The following MAPK10 variants were observed in gnomAD, a reference collection of about 807,000 sequenced individuals.
The protein encoded by MAPK10 is mitogen-activated protein kinase 10.
MAPK10 carries 25 observed loss-of-function variants against 59.3 expected under a neutral mutation model. The ratio of observed to expected loss-of-function variants is 0.42; its 90% CI spans 0.31 to 0.59. The LOEUF (loss-of-function observed/expected upper bound fraction) is 0.59. MAPK10 is among the 20% of genes least tolerant of loss of function. The pLI is 0.15. For synonymous variants in MAPK10, 190 were observed against 200.5 expected, an observed-to-expected ratio of 0.95 and a Z score of 0.44; for missense variants, 351 against 568.9, an observed-to-expected ratio of 0.62 and a Z score of 3.90.
rs1254102488 is a variant in MAPK10, at chr4:86,015,432, T to C, written c.*1796A>G. On this transcript the variant is annotated 3_prime_UTR_variant, in exon 14 of 14. Transcript: ENST00000641462. ...ACACTCATCAACCATCCACTTCCTGTCTTTCACTTCTTCAGGTGAAATATC... is the reference window on the plus strand; with the variant it reads ...ACACTCATCAACCATCCACTTCCTGCCTTTCACTTCTTCAGGTGAAATATC... 1 of 152,210 alleles carries C rather than the reference T, an allele frequency of 6.6e-6. No homozygotes were observed. Among genetic ancestry groups the C allele is most frequent in the African/African-American group, 2.4e-5 (1 of 41,462 alleles). 9.4% of individuals were successfully genotyped at this position (152,210 alleles called of 1,614,324 possible). A position where few individuals can be genotyped will look rare whatever the true frequency, so the allele number is the denominator to read the frequency against.
intron 1 of MAPK10, among the ~76,000 whole-genome samples, chr4:86,479,715 A>C (rs1233209442): frequency 6.6e-6 from 1 of 152,082 alleles, no homozygotes; most frequent in East Asian, 1.9e-4. Flanking sequence ...GGCACTCTCT[A>C]GTTAGATGTC....
At chr4:86,484,120 G>C (rs576342067) in intron 1 of MAPK10, among the ~76,000 whole-genome samples, 1 of 152,294 alleles carries the variant, frequency 6.6e-6, no homozygotes, top group East Asian at 1.9e-4. Flanking sequence ...ATGATAAGGA[G>C]TGTGGGCTTT....
intron 2 of MAPK10, among the ~76,000 whole-genome samples, chr4:86,227,244 T>C (rs1217859136): frequency 6.6e-6 from 1 of 151,968 alleles, no homozygotes; most frequent in South Asian, 2.1e-4. Flanking sequence ...TCCCAACACT[T>C]TGGGAGGCCG....
chr4:86,053,530 G>A (rs767931954), intron 11 of MAPK10, among the ~76,000 whole-genome samples: 13 of 152,038 alleles, frequency 8.6e-5, no homozygotes, highest in Non-Finnish European at 1.3e-4. Flanking sequence ...CAGAGATTCT[G>A]TCTTCTGACA....
intron 2 of MAPK10, among the ~76,000 whole-genome samples, chr4:86,195,402 A>G (rs1720721150): frequency 6.6e-6 from 1 of 150,816 alleles, no homozygotes; most frequent in African/African-American, 2.5e-5. Flanking sequence ...AAATACACAA[A>G]ACATCTTTCA....
intron 1 of MAPK10, among the ~76,000 whole-genome samples, chr4:86,372,573 GA>G (rs1177752484): frequency 1.6e-4 from 19 of 120,186 alleles, no homozygotes; most frequent in African/African-American, 3.0e-4. Context: ...AGAAAGAAAA[GA>G]AAAGAAAAGA....
At chr4:86,304,393 T>A (rs867430898) in intron 2 of MAPK10, among the ~76,000 whole-genome samples, 2 of 138,686 alleles carry the variant, frequency 1.4e-5, no homozygotes, top group Non-Finnish European at 3.1e-5. Flanking sequence ...ATTTCTTTTT[T>A]TTTTTTTTTT....
chr4:86,069,243 A>G (rs1250759410), intron 9 of MAPK10, among the ~76,000 whole-genome samples: 3 of 152,130 alleles, frequency 2.0e-5, no homozygotes, highest in Admixed American at 2.0e-4. Flanking sequence ...AATCAAACTA[A>G]TTTGCAAATC....
chr4:86,392,769 G>C (rs191064562), intron 1 of MAPK10, among the ~76,000 whole-genome samples: 1 of 152,354 alleles, frequency 6.6e-6, no homozygotes, highest in Admixed American at 6.5e-5. Flanking sequence ...AGATGGCTTG[G>C]AAAAGGAGAG....
At chr4:86,285,754 G>A (rs2094982270) in intron 2 of MAPK10, among the ~76,000 whole-genome samples, 1 of 152,148 alleles carries the variant, frequency 6.6e-6, no homozygotes, top group Admixed American at 6.5e-5. Flanking sequence ...AAGCCAAAAA[G>A]TCCCATGATC....
chr4:86,126,469 A>T (rs1304857464), intron 4 of MAPK10, among the ~76,000 whole-genome samples: 5 of 152,080 alleles, frequency 3.3e-5, no homozygotes, highest in Non-Finnish European at 5.9e-5. Context: ...TGTTTGTTGC[A>T]TGAAATTATA....
chr4:86,410,520 T>C (rs1225897040), intron 1 of MAPK10, among the ~76,000 whole-genome samples: 1 of 152,204 alleles, frequency 6.6e-6, no homozygotes, highest in African/African-American at 2.4e-5. Flanking sequence ...CGGCTGTGAA[T>C]CCATCTGCTC....
chr4:86,022,176 C>G (rs2148899543), intron 13 of MAPK10, among the ~76,000 whole-genome samples: 1 of 152,358 alleles, frequency 6.6e-6, no homozygotes, highest in East Asian at 1.9e-4. Context: ...CCTCTCAAAA[C>G]TGTTTTCTAA....
At chr4:86,206,545 C>A (rs1290705085) in intron 2 of MAPK10, among the ~76,000 whole-genome samples, 3 of 152,124 alleles carry the variant, frequency 2.0e-5, no homozygotes, top group South Asian at 2.1e-4. Context: ...ATTTATAGTC[C>A]TTTGGGTATA....
intron 3 of MAPK10, among the ~76,000 whole-genome samples, chr4:86,188,382 A>T (rs1293925623): frequency 1.3e-5 from 2 of 152,122 alleles, no homozygotes; most frequent in Admixed American, 1.3e-4. Flanking sequence ...AAGCTTTCCT[A>T]TTCCTCCACA....
intron 1 of MAPK10, among the ~76,000 whole-genome samples, chr4:86,414,335 T>C (rs1677903381): frequency 6.6e-6 from 1 of 152,156 alleles, no homozygotes; most frequent in Admixed American, 6.5e-5. Flanking sequence ...AAGCCAATCA[T>C]TGCATTTCGC....
At chr4:86,025,271 C>T (rs1749608934) in intron 13 of MAPK10, 1 of 374,520 alleles carries the variant, frequency 2.7e-6, no homozygotes, top group African/African-American at 2.1e-5. Context: ...ACCAGTCCAC[C>T]ACTATTAGAT....
chr4:86,028,956 A>T, intron 13 of MAPK10: 1 of 533,510 alleles, frequency 1.9e-6, no homozygotes, highest in East Asian at 3.6e-5. Flanking sequence ...TTCAGGATTC[A>T]TTACTATTAA....
chr4:86,335,444 A>G (rs1380729440), intron 2 of MAPK10, among the ~76,000 whole-genome samples: 1 of 152,224 alleles, frequency 6.6e-6, no homozygotes, highest in African/African-American at 2.4e-5. Context: ...AAAGATAACC[A>G]GATAAGTTTG....
Sources: allele counts gnomAD v4.1 joint callset (sites outside exome capture counted in the v4.1 genomes callset), GRCh38; gene constraint gnomAD v4.1.1; transcripts MANE v1.5; gene names NCBI Gene and HGNC (gene_info 2026-07-23, HGNC 2026-07-21).